Variants in CEP95 observed in about 807,000 individuals in gnomAD.
CEP95 encodes centrosomal protein of 95 kDa.
In CEP95, 98 loss-of-function variants were observed where a neutral mutation model predicts 111.2. The observed-to-expected ratio is 0.88, with a 90% CI of 0.75 to 1.04. The LOEUF is 1.04. Ranked by LOEUF, CEP95 falls within the 50% of genes least tolerant of loss-of-function variation. The pLI is 0.00. For synonymous variants in CEP95, 323 were observed against 327.1 expected (o/e 0.99, Z 0.14); for missense variants, 1,027 against 977.2 (o/e 1.05, Z -0.68).
rs868909942 is a variant in CEP95 at position 64,508,823 on chromosome 17, T to G, written c.148+103T>G. 15 of 408,096 alleles carry G rather than the reference T, an allele frequency of 3.7e-5. 1 individual carries two copies. Among genetic ancestry groups the G allele is most frequent in the Admixed American group, 3.7e-4 (10 of 27,346 alleles). The allele number at this position is 408,096 out of a possible 1,614,324, so 25.3% of individuals were successfully genotyped here. A position where few individuals can be genotyped will look rare whatever the true frequency, so the allele number is the denominator to read the frequency against. Reference sequence around the variant, plus strand: ...ATATTTATAAAATTTCATTTTCTCTTTGCTTGTTTCTTTTTTTAATATTGC... The same window carrying G: ...ATATTTATAAAATTTCATTTTCTCTGTGCTTGTTTCTTTTTTTAATATTGC... On this transcript the variant is annotated intron_variant, in intron 2 of 19. Transcript: ENST00000556440.
chr17:64,537,078 A>G lies in CEP95; in HGVS notation c.2255A>G (p.Gln752Arg). Residue 752 changes from glutamine (Q) to arginine (R), a missense_variant, in exon 19 of 20, where the codon CAA becomes CGA. Physicochemically the swap from Gln to Arg is conservative, Grantham distance 43 (BLOSUM62 1). Coordinates refer to ENST00000556440, the MANE Select transcript of CEP95 (RefSeq NM_138363.3). Reference protein sequence around the residue: ...LLAEAISQEHQELKAREKSQA... With the variant: ...LLAEAISQEHRELKAREKSQA... Reference sequence around the variant, plus strand: ...GCAGAAGCCATATCACAGGAACATCAAGAACTTAAAGCCAGAGAGAAATCT... The same window carrying G: ...GCAGAAGCCATATCACAGGAACATCGAGAACTTAAAGCCAGAGAGAAATCT... 1 of 1,613,262 alleles carries G rather than the reference A, an allele frequency of 6.2e-7. No individual in the cohort carries two copies.
At chr17:64,537,314 T>G in intron 19 of CEP95, 1 of 1,404,030 alleles carries the variant, frequency 7.1e-7, no homozygotes, top group Non-Finnish European at 9.3e-7. Flanking sequence ...TTGGAACATA[T>G]CTCCATCATT....
chr17:64,527,388 T>A, intron 11 of CEP95, 124 bp downstream of exon 11: 1 of 689,776 alleles, frequency 1.4e-6, no homozygotes, highest in Non-Finnish European at 2.1e-6. Flanking sequence ...GGATCAAAAG[T>A]AATATCAAAC....
chr17:64,534,644 T>C lies in CEP95; in HGVS notation c.1977T>C (p.Asn659=). The C allele has an allele frequency of 6.2e-7, 1 of 1,613,728 alleles. No individual in the cohort carries two copies. ...QRLTQSKIKE[N]RQQIVRARKY... The stretch of plus-strand genomic sequence containing the variant: ...TGACCCAATCAAAGATAAAAGAAAA[T>C]CGACAGCAAATCGTTCGTGCTCGAA... Residue 659 remains asparagine (N), a synonymous_variant, in exon 17 of 20, where the codon AAT becomes AAC. Transcript: ENST00000556440.
In CEP95 at chr17:64,537,831, G is replaced by A. The variant is rs1293631235; in HGVS notation, c.*52G>A. ...GGTTCTGGAGGCCTTTACCAGGACAGAGCTAGAATCGAGCCAGTAAACAGT... is the reference window on the plus strand; with the variant it reads ...GGTTCTGGAGGCCTTTACCAGGACAAAGCTAGAATCGAGCCAGTAAACAGT... On this transcript the variant is annotated 3_prime_UTR_variant, in exon 20 of 20. Transcript: ENST00000556440. 3 of 1,187,846 alleles carry A rather than the reference G, an allele frequency of 2.5e-6. No individual in the cohort carries two copies. The African/African-American group carries it at 4.6e-5, about 18-fold the overall frequency. 73.6% of individuals were successfully genotyped at this position (1,187,846 alleles called of 1,614,324 possible).
chr17:64,528,110 G>A (rs887245120), intron 11 of CEP95, among the ~76,000 whole-genome samples: 6 of 151,918 alleles, frequency 3.9e-5, no homozygotes, highest in South Asian at 2.1e-4. Context: ...CTTTATACTC[G>A]TATCAGCAGT....
chr17:64,522,955 T>A, intron 8 of CEP95, 60 bp downstream of exon 8: 1 of 1,339,294 alleles, frequency 7.5e-7, no homozygotes, highest in Non-Finnish European at 1.0e-6. Flanking sequence ...TGTCTGTGTG[T>A]GTGTTGGTAA....
At position 64,524,832 on chromosome 17, in the gene CEP95, G is replaced by A. The variant is rs555530053; in HGVS notation, c.910-938G>A. Among the ~76,000 whole-genome samples the A allele has an allele frequency of 7.3e-5, 11 of 151,502 alleles. 2 individuals are homozygous for A. In the South Asian group the frequency reaches 1.7e-3, roughly 23 times the overall value. ...CTGAAAATACAAAAATTAGCCAGGC[G>A]CGGTGGCAGGTGCCTGTAATCCCAG... On this transcript the variant is annotated intron_variant, in intron 8 of 19. Coordinates refer to ENST00000556440, the MANE Select transcript of CEP95 (RefSeq NM_138363.3).
In CEP95 at chr17:64,530,986, C is replaced by G; in HGVS notation, c.1507C>G (p.Pro503Ala). Residue 503 changes from proline to alanine, a missense_variant, in exon 13 of 20, where the codon CCT becomes GCT. Physicochemically the swap from Pro to Ala is conservative, Grantham distance 27. Coordinates refer to ENST00000556440, the MANE Select transcript of CEP95 (RefSeq NM_138363.3). ...RRHKVQENIG[P>A]LRIHEKEEET... ...ACATAAAGTTCAAGAGAATATTGGACCTCTAAGAATACATGAGAAGGAGGA... is the reference window on the plus strand; with the variant it reads ...ACATAAAGTTCAAGAGAATATTGGAGCTCTAAGAATACATGAGAAGGAGGA... The G allele has an allele frequency of 1.3e-6, 2 of 1,556,780 alleles. No individual in the cohort carries two copies. Among genetic ancestry groups the G allele is most frequent in the Non-Finnish European group, 1.7e-6 (2 of 1,148,946 alleles).
At chr17:64,533,092 A>G (rs1006515955) in intron 15 of CEP95, 25 bp from the exon 16 acceptor site, 2 of 1,606,450 alleles carry the variant, frequency 1.2e-6, no homozygotes, top group East Asian at 2.2e-5. Flanking sequence ...TTATTAACCT[A>G]CTTAACTTCA....
At chr17:64,526,719 G>C (rs1967851161) in intron 10 of CEP95, among the ~76,000 whole-genome samples, 1 of 152,178 alleles carries the variant, frequency 6.6e-6, no homozygotes, top group Non-Finnish European at 1.5e-5. Context: ...CCAACACTTT[G>C]AGAGGCTGAG....
chr17:64,525,915 C>T (rs1967780983), intron 9 of CEP95, 33 bp downstream of exon 9: 1 of 1,501,976 alleles, frequency 6.7e-7, no homozygotes, highest in Non-Finnish European at 9.0e-7. Context: ...TGTTTACAGT[C>T]TGTTTACAAA....
upstream of CEP95, chr17:64,506,910 A>T (rs145498077): frequency 4.5e-4 from 313 of 694,880 alleles, 1 homozygote; most frequent in East Asian, 8.0e-3. Context: ...CTGTGAAAGG[A>T]AGTGCTCCTC....
At chr17:64,526,485 T>C (rs1967833054) in intron 10 of CEP95, among the ~76,000 whole-genome samples, 1 of 152,224 alleles carries the variant, frequency 6.6e-6, no homozygotes, top group Non-Finnish European at 1.5e-5. Flanking sequence ...GATATGTCTT[T>C]ATAGTTCCCC....
chr17:64,534,724 C>A lies in CEP95; in HGVS notation c.2057C>A (p.Thr686Asn). 2 of 1,611,806 alleles carry A rather than the reference C, an allele frequency of 1.2e-6. No homozygotes were observed. The highest frequency in any genetic ancestry group is 1.7e-6 in the Non-Finnish European group (2 of 1,178,866). ...TGTGCAAAAATGATGAGAATGAGGA[C>A]CCGGGAAGAAATGGTAAGTCTGACT... Reference protein sequence around the residue: ...QLCAKMMRMRTREEMIFKKLF... With the variant: ...QLCAKMMRMRNREEMIFKKLF... The change falls in exon 17 of 20, where the codon ACC becomes AAC. Residue 686 changes from threonine (T) to asparagine (N), a missense_variant. Physicochemically the swap from Thr to Asn is moderately conservative, Grantham distance 65. Transcript: ENST00000556440.
At chr17:64,510,553 T>G (rs782303634) in intron 3 of CEP95, among the ~76,000 whole-genome samples, 1 of 152,098 alleles carries the variant, frequency 6.6e-6, no homozygotes, top group Non-Finnish European at 1.5e-5. Flanking sequence ...TTATGTTGTT[T>G]TATTTATTTT....
At chr17:64,508,447 A>G (rs1319779415) in intron 1 of CEP95, 145 bp from the exon 2 acceptor site, 2 of 1,158,962 alleles carry the variant, frequency 1.7e-6, no homozygotes, top group African/African-American at 3.2e-5. Context: ...AGGGTCTTTG[A>G]AATTCTCTAA....
intron 14 of CEP95, chr17:64,532,356 A>G: frequency 9.2e-7 from 1 of 1,090,128 alleles, no homozygotes; most frequent in Non-Finnish European, 1.1e-6. Context: ...GCTCCAAGGC[A>G]AGCAGATGGC....
At chr17:64,528,109 C>T (rs1456736546) in intron 11 of CEP95, among the ~76,000 whole-genome samples, 2 of 152,042 alleles carry the variant, frequency 1.3e-5, no homozygotes, top group African/African-American at 2.4e-5. Context: ...GCTTTATACT[C>T]GTATCAGCAG....
Sources: gnomAD v4.1 joint callset for allele counts (sites outside exome capture counted in the v4.1 genomes callset) on GRCh38, gnomAD v4.1.1 for gene constraint, MANE v1.5 for transcripts, NCBI Gene and HGNC (gene_info 2026-07-23, HGNC 2026-07-21) for gene names.